RBM38: variants seen among roughly 807,000 people sequenced by gnomAD.
The protein encoded by RBM38 is RNA-binding protein 38.
RBM38 carries 11 observed loss-of-function variants against 23.5 expected under a neutral mutation model. The ratio of observed to expected loss-of-function variants is 0.47; its 90% CI spans 0.29 to 0.77. RBM38 has a LOEUF of 0.77. RBM38 is among the 30% of genes least tolerant of loss of function. RBM38 has a pLI of 0.08. For synonymous variants in RBM38, 165 were observed against 166.1 expected (o/e 0.99, Z 0.05); for missense variants, 330 against 351.9 (o/e 0.94, Z 0.50).
intron 3 of RBM38, among the ~76,000 whole-genome samples, chr20:57,394,250 A>T (rs1226147036): frequency 6.6e-6 from 1 of 151,542 alleles, no homozygotes; most frequent in East Asian, 2.0e-4. Flanking sequence ...AGAGAGACAC[A>T]GCTTGAGGAG....
chr20:57,406,428 C>T (rs1002274968), intron 3 of RBM38, among the ~76,000 whole-genome samples: 5 of 152,246 alleles, frequency 3.3e-5, no homozygotes, highest in East Asian at 1.9e-4. Context: ...CTCCTGGCCC[C>T]TCCACCTCAT....
rs73917119 is a variant in RBM38 at position 57,408,955 on chromosome 20, G to A, written c.*1109G>A. Reference sequence around the variant, plus strand: ...GGCCCTCAGCTCTGCCCGCTGGAGCGGTTGAGTGCAGAAGGGTGCGCCTCT... The same window carrying A: ...GGCCCTCAGCTCTGCCCGCTGGAGCAGTTGAGTGCAGAAGGGTGCGCCTCT... On this transcript the variant is annotated 3_prime_UTR_variant, in exon 4 of 4. Transcript: ENST00000356208. The A allele has an allele frequency of 7.4e-3, 1,128 of 152,926 alleles. 18 individuals are homozygous for A. The highest frequency in any genetic ancestry group is 0.043 in the Admixed American group (661 of 15,310). 9.5% of individuals were successfully genotyped at this position (152,926 alleles called of 1,614,324 possible).
chr20:57,395,679 C>T (rs1330093447), intron 3 of RBM38, among the ~76,000 whole-genome samples: 1 of 152,160 alleles, frequency 6.6e-6, no homozygotes, highest in Non-Finnish European at 1.5e-5. Context: ...TAGGGGGAGG[C>T]TCCCGGGTGC....
Position 57,408,230 on chromosome 20 carries a change from G to A in RBM38, c.*384G>A. On this transcript the variant is annotated 3_prime_UTR_variant, in exon 4 of 4. Coordinates refer to ENST00000356208, the MANE Select transcript of RBM38 (RefSeq NM_017495.6). ...CACAGACCCTCTGCAGCCCCTGGCT[G>A]CCCTGGACTGTGCAGAGATGCCTGA... 2 of 347,376 alleles carry A rather than the reference G, an allele frequency of 5.8e-6. No homozygotes were observed. Among genetic ancestry groups the A allele is most frequent in the Non-Finnish European group, 1.1e-5 (2 of 181,202 alleles). 21.5% of individuals were successfully genotyped at this position (347,376 alleles called of 1,614,324 possible).
At chr20:57,403,886 C>T (rs887253385) in intron 3 of RBM38, among the ~76,000 whole-genome samples, 3 of 152,230 alleles carry the variant, frequency 2.0e-5, no homozygotes, top group Admixed American at 1.3e-4. Flanking sequence ...TTCCAAAGTG[C>T]TGGGATTACA....
intron 3 of RBM38, among the ~76,000 whole-genome samples, chr20:57,393,564 C>T (rs912511993): frequency 3.3e-5 from 5 of 152,226 alleles, no homozygotes. Flanking sequence ...CACACCCCAG[C>T]TCCCTTCGCT....
chr20:57,402,602 C>A (rs536721619), intron 3 of RBM38, among the ~76,000 whole-genome samples: 15 of 152,364 alleles, frequency 9.8e-5, no homozygotes, highest in Admixed American at 3.9e-4. Context: ...CCCTTGTGTG[C>A]AGAGGCTGTG....
chr20:57,397,910 G>A (rs953125152), intron 3 of RBM38, among the ~76,000 whole-genome samples: 2 of 152,212 alleles, frequency 1.3e-5, no homozygotes, highest in Non-Finnish European at 2.9e-5. Context: ...GCGTGGGGAC[G>A]GAACAGTTCC....
intron 3 of RBM38, among the ~76,000 whole-genome samples, chr20:57,394,418 G>A (rs879699581): frequency 2.6e-5 from 4 of 152,162 alleles, no homozygotes; most frequent in Non-Finnish European, 4.4e-5. Flanking sequence ...CGCTTGGGGT[G>A]ACTCGGGGGC....
At chr20:57,405,887 G>A (rs1382964391) in intron 3 of RBM38, among the ~76,000 whole-genome samples, 1 of 152,228 alleles carries the variant, frequency 6.6e-6, no homozygotes, top group African/African-American at 2.4e-5. Context: ...GTGCCCACAT[G>A]TTGCCAAACC....
chr20:57,392,599 C>A (rs1256478251), intron 1 of RBM38, 55 bp from the exon 2 acceptor site: 25 of 1,565,398 alleles, frequency 1.6e-5, no homozygotes, highest in Non-Finnish European at 2.1e-5. Context: ...GCCGTCTGCC[C>A]CTTTCGCCCC....
At position 57,392,683 on chromosome 20, in the gene RBM38, G is replaced by C. The variant is rs2146200356; in HGVS notation, c.267G>C (p.Glu89Asp). Residue 89 changes from glutamate (E) to aspartate (D), a missense_variant, in exon 2 of 4, where the codon GAG becomes GAC. Coordinates refer to ENST00000356208, the MANE Select transcript of RBM38 (RefSeq NM_017495.6). Reference protein sequence around the residue: ...FVTMADRAAAERACKDPNPII... With the variant: ...FVTMADRAAADRACKDPNPII... ...CCATGGCCGACCGGGCGGCAGCTGA[G>C]AGGGCTTGCAAAGACCCGAACCCCA... 6.2e-7 allele frequency: 1 copy of C among 1,612,712 alleles called. No individual in the cohort carries two copies. The highest frequency in any genetic ancestry group is 8.5e-7 in the Non-Finnish European group (1 of 1,179,812).
chr20:57,392,538 A>AGTG, intron 1 of RBM38, 116 bp from the exon 2 acceptor site: 1 of 1,516,780 alleles, frequency 6.6e-7, no homozygotes, highest in Admixed American at 2.1e-5. Context: ...GGTCACAGGC[A>AGTG]CCCTCAGAGG....
At chr20:57,400,490 C>T (rs1022950102) in intron 3 of RBM38, among the ~76,000 whole-genome samples, 4 of 152,124 alleles carry the variant, frequency 2.6e-5, no homozygotes, top group Non-Finnish European at 4.4e-5. Flanking sequence ...TCAGTGGCTC[C>T]GTGATTTGGG....
chr20:57,392,546 A>T, intron 1 of RBM38, 108 bp from the exon 2 acceptor site: 1 of 1,516,118 alleles, frequency 6.6e-7, no homozygotes, highest in Non-Finnish European at 8.9e-7. Context: ...GCACCCTCAG[A>T]GGAAGGGAAG....
chr20:57,397,576 C>T (rs1219924250), intron 3 of RBM38, among the ~76,000 whole-genome samples: 1 of 152,188 alleles, frequency 6.6e-6, no homozygotes, highest in Non-Finnish European at 1.5e-5. Context: ...ATCACGGGGC[C>T]TTGGTGTGTG....
intron 3 of RBM38, among the ~76,000 whole-genome samples, chr20:57,404,911 A>G (rs1316261291): frequency 6.6e-5 from 10 of 152,194 alleles, no homozygotes; most frequent in Non-Finnish European, 1.5e-4. Flanking sequence ...ACCAGGGTGG[A>G]CCTGGGTGTG....
intron 3 of RBM38, among the ~76,000 whole-genome samples, chr20:57,405,596 C>T (rs896793944): frequency 6.6e-6 from 1 of 152,222 alleles, no homozygotes; most frequent in African/African-American, 2.4e-5. Flanking sequence ...GTAGAAACTT[C>T]CCACACACTT....
At position 57,392,867 on chromosome 20, in the gene RBM38, C is replaced by A. The variant is rs1201571863; in HGVS notation, c.361+90C>A. 5 of 1,519,510 alleles carry A rather than the reference C, an allele frequency of 3.3e-6. No homozygotes were observed. The African/African-American group carries it at 5.6e-5, about 17-fold the overall frequency. 94.1% of individuals were successfully genotyped at this position (1,519,510 alleles called of 1,614,324 possible). A position where few individuals can be genotyped will look rare whatever the true frequency, so the allele number is the denominator to read the frequency against. On this transcript the variant is annotated intron_variant, in intron 2 of 3. Coordinates refer to ENST00000356208, the MANE Select transcript of RBM38 (RefSeq NM_017495.6). ...GGTGGAAAGAGGCCCCCCCTCCTCG[C>A]CCCAGCAGTGGCAGTCGGCTATCAT...
Sources: gnomAD v4.1 joint callset for allele counts (sites outside exome capture counted in the v4.1 genomes callset) on GRCh38, gnomAD v4.1.1 for gene constraint, MANE v1.5 for transcripts, NCBI Gene and HGNC (gene_info 2026-07-23, HGNC 2026-07-21) for gene names.